The following DIRAS1 variants were observed in gnomAD, a reference collection of about 807,000 sequenced individuals.
The protein encoded by DIRAS1 is GTP-binding protein Di-Ras1.
In DIRAS1, 3 loss-of-function variants were observed where a neutral mutation model predicts 11.5. The observed-to-expected ratio is 0.26, with a 90% CI of 0.12 to 0.67. The LOEUF (loss-of-function observed/expected upper bound fraction) is 0.67, where lower values mean the gene tolerates loss of function less well. Among genes scored for constraint, DIRAS1 ranks in the 30% least tolerant of loss-of-function variants. DIRAS1 has a pLI of 0.80. For missense variants in DIRAS1, 212 were observed against 285.3 expected (o/e 0.74, Z 1.85); for synonymous variants, 128 against 125.8 (o/e 1.02, Z -0.12).
Position 2,716,731 on chromosome 19 carries a change from GAGAAAAA to G in DIRAS1, c.*472_*478del, listed in dbSNP as rs150129339. ...TTGGGTGTATGTTAACACCAAATAG[GAGAAAAA>G]AGAAAAAAATATCTGAGGCCGATGT... On this transcript the variant is annotated 3_prime_UTR_variant, in exon 2 of 2. Transcript: ENST00000323469. The G allele has an allele frequency of 0.021, 3,504 of 163,408 alleles. 143 individuals are homozygous for G. Among genetic ancestry groups the G allele is most frequent in the African/African-American group, 0.077 (3,226 of 41,698 alleles). The allele number at this position is 163,408 out of a possible 1,614,324, so 10.1% of individuals were successfully genotyped here.
rs369856700 is a variant in DIRAS1, at chr19:2,717,600, C to T, written c.207G>A (p.Pro69=). The change falls in exon 2 of 2, where the codon CCG becomes CCA. Residue 69 remains proline, a synonymous_variant. Coordinates refer to ENST00000323469, the MANE Select transcript of DIRAS1 (RefSeq NM_145173.4). The part of the protein sequence containing the change: ...ITDTTGSHQF[P]AMQRLSISKG... ...TGGAGATGGACAGGCGCTGCATGGC[C>T]GGGAACTGGTGGCTGCCGGTGGTGT... 1.4e-5 allele frequency: 23 copies of T among 1,613,248 alleles called. No homozygotes were observed. The highest frequency in any genetic ancestry group is 1.9e-5 in the Non-Finnish European group (22 of 1,179,894).
Position 2,718,652 on chromosome 19 carries a change from A to T in DIRAS1, c.-69-777T>A, listed in dbSNP as rs1913884426. ...GCTATTCTCTTGCCTCAGCCTCCCAAGTAGCTAGGATTACAGGCATGCACC... is the reference window on the plus strand; with the variant it reads ...GCTATTCTCTTGCCTCAGCCTCCCATGTAGCTAGGATTACAGGCATGCACC... On this transcript the variant is annotated intron_variant, in intron 1 of 1. Coordinates refer to ENST00000323469, the MANE Select transcript of DIRAS1 (RefSeq NM_145173.4). The surrounding 1 kb of genome is among the most constrained non-coding windows in gnomAD (Gnocchi z 4.2). Among the ~76,000 whole-genome samples the T allele has an allele frequency of 6.6e-6, 1 of 152,086 alleles. No homozygotes were observed. The highest frequency in any genetic ancestry group is 1.9e-4 in the East Asian group (1 of 5,192).
rs531300464 is a variant in DIRAS1, at chr19:2,718,181, G to C, written c.-69-306C>G. ...CCACGAAACTCCTTCCCCGGGTGTG[G>C]GTGTCCCTTCCAGGCTGTGCCAGCT... On this transcript the variant is annotated intron_variant, in intron 1 of 1. Coordinates refer to ENST00000323469, the MANE Select transcript of DIRAS1 (RefSeq NM_145173.4). The surrounding 1 kb of genome is among the most constrained non-coding windows in gnomAD (Gnocchi z 4.2). Among the ~76,000 whole-genome samples, 2 of 152,226 alleles carry C rather than the reference G, an allele frequency of 1.3e-5. No individual in the cohort carries two copies. The highest frequency in any genetic ancestry group is 2.9e-5 in the Non-Finnish European group (2 of 68,038).
At chr19:2,719,674 G>C (rs1221800528) in intron 1 of DIRAS1, among the ~76,000 whole-genome samples, 3 of 151,890 alleles carry the variant, frequency 2.0e-5, no homozygotes, top group African/African-American at 7.3e-5. Flanking sequence ...CTGGGGGTGG[G>C]GGTGTGTTTA....
At chr19:2,719,909 G>A (rs757108589) in intron 1 of DIRAS1, among the ~76,000 whole-genome samples, 4 of 152,196 alleles carry the variant, frequency 2.6e-5, no homozygotes, top group African/African-American at 9.7e-5. Flanking sequence ...AGGGCACTTG[G>A]CTGTGCCTGT....
intron 1 of DIRAS1, among the ~76,000 whole-genome samples, chr19:2,720,939 G>T (rs1164406162): frequency 7.9e-5 from 12 of 151,684 alleles, no homozygotes; most frequent in Admixed American, 7.9e-4. Context: ...GGAGGGAGGG[G>T]CTTGGCTGGG....
rs1289025150 is a variant in DIRAS1, at chr19:2,721,057, CA to C, written c.-70+246del. Among the ~76,000 whole-genome samples, 11 of 100,636 alleles carry C rather than the reference CA, an allele frequency of 1.1e-4. No homozygotes were observed. In the East Asian group the frequency reaches 3.0e-3, roughly 27 times the overall value. The allele number at this position is 100,636 out of a possible 152,430, so 66.0% of individuals were successfully genotyped here. On this transcript the variant is annotated intron_variant, in intron 1 of 1. Coordinates refer to ENST00000323469, the MANE Select transcript of DIRAS1 (RefSeq NM_145173.4). ...GTGGGCCTCGGTGGGGCGGGCTCGG[CA>C]GGGGGGCGCCCTCCGGGTGGGGGAG...
rs1473181184 is a variant in DIRAS1, at chr19:2,717,182, G to A, written c.*28C>T. Reference sequence around the variant, plus strand: ...GGAGGCAGCGGGGGTCAGTGGGGGTGGGCGGCGGGCAGGCGGGCGTTCCGG... The same window carrying A: ...GGAGGCAGCGGGGGTCAGTGGGGGTAGGCGGCGGGCAGGCGGGCGTTCCGG... On this transcript the variant is annotated 3_prime_UTR_variant, in exon 2 of 2. Transcript: ENST00000323469. The A allele has an allele frequency of 4.5e-6, 7 of 1,546,748 alleles. No individual in the cohort carries two copies. Among genetic ancestry groups the A allele is most frequent in the Non-Finnish European group, 6.1e-6 (7 of 1,145,736 alleles).
rs551782629 is a variant in DIRAS1 at position 2,721,002 on chromosome 19, G to C, written c.-70+302C>G. Among the ~76,000 whole-genome samples, 467 of 150,328 alleles carry C rather than the reference G, an allele frequency of 3.1e-3. 4 individuals are homozygous for C. Among genetic ancestry groups the C allele is most frequent in the African/African-American group, 0.011 (445 of 40,910 alleles). ...CTGCAGGAGGGAGGAGGCCCTGCCC[G>C]AGGGGACCAATGCGGAGAGGGGCGG... On this transcript the variant is annotated intron_variant, in intron 1 of 1. Coordinates refer to ENST00000323469, the MANE Select transcript of DIRAS1 (RefSeq NM_145173.4).
At chr19:2,720,338 C>G (rs1353264945) in intron 1 of DIRAS1, among the ~76,000 whole-genome samples, 3 of 152,242 alleles carry the variant, frequency 2.0e-5, no homozygotes, top group African/African-American at 7.2e-5. Context: ...CTGTCCTCCC[C>G]GCTGGGTCTG....
Position 2,717,066 on chromosome 19 carries a change from A to ATGC in DIRAS1, c.*143_*144insGCA. 1 of 754,386 alleles carries ATGC rather than the reference A, an allele frequency of 1.3e-6. No homozygotes were observed. Among genetic ancestry groups the ATGC allele is most frequent in the Non-Finnish European group, 2.0e-6 (1 of 511,908 alleles). 46.7% of individuals were successfully genotyped at this position (754,386 alleles called of 1,614,324 possible). On this transcript the variant is annotated 3_prime_UTR_variant, in exon 2 of 2. Coordinates refer to ENST00000323469, the MANE Select transcript of DIRAS1 (RefSeq NM_145173.4). Reference sequence around the variant, plus strand: ...GCCTCGGGGTGGGCAGGGGCAGCGGAGGGGGGGGCGGTGGCCTCGGTTTCC... The same window carrying ATGC: ...GCCTCGGGGTGGGCAGGGGCAGCGGATGCGGGGGGGGCGGTGGCCTCGGTTTCC...
chr19:2,717,130 G>A lies in DIRAS1; in HGVS notation c.*80C>T, dbSNP rs1423848597. ...CGGAGGAAGGATGAGAGAAGAGGAG[G>A]AGGCCGAGGAGGGTGTCGGTGTTGG... On this transcript the variant is annotated 3_prime_UTR_variant, in exon 2 of 2. Coordinates refer to ENST00000323469, the MANE Select transcript of DIRAS1 (RefSeq NM_145173.4). The A allele has an allele frequency of 2.1e-6, 3 of 1,413,190 alleles. No homozygotes were observed. The highest frequency in any genetic ancestry group is 1.3e-5 in the South Asian group (1 of 76,270). 87.5% of individuals were successfully genotyped at this position (1,413,190 alleles called of 1,614,324 possible).
chr19:2,714,961 G>A lies in DIRAS1; in HGVS notation c.*2249C>T, dbSNP rs1913749559. The A allele has an allele frequency of 6.6e-6, 1 of 152,658 alleles. No individual in the cohort carries two copies. The highest frequency in any genetic ancestry group is 1.5e-5 in the Non-Finnish European group (1 of 68,190). 9.5% of individuals were successfully genotyped at this position (152,658 alleles called of 1,614,324 possible). A position where few individuals can be genotyped will look rare whatever the true frequency, so the allele number is the denominator to read the frequency against. ...AACCCAGAAGCTACTGCCAGGACAGGAGAGGAGGCAACATCAGCTGCTGGT... is the reference window on the plus strand; with the variant it reads ...AACCCAGAAGCTACTGCCAGGACAGAAGAGGAGGCAACATCAGCTGCTGGT... On this transcript the variant is annotated 3_prime_UTR_variant, in exon 2 of 2. Transcript: ENST00000323469.
Position 2,717,777 on chromosome 19 carries a change from C to T in DIRAS1, c.30G>A (p.Val10=), listed in dbSNP as rs750088007. 14 of 1,601,478 alleles carry T rather than the reference C, an allele frequency of 8.7e-6. No individual in the cohort carries two copies. Among genetic ancestry groups the T allele is most frequent in the Non-Finnish European group, 1.2e-5 (14 of 1,179,760 alleles). MPEQSNDYR[V]VVFGAGGVGK... is the part of the protein sequence containing the mutation. ...CCACGCCGCCCGCCCCGAACACCAC[C>T]ACGCGGTAATCGTTACTCTGTTCCG... The change falls in exon 2 of 2, where the codon GTG becomes GTA. Residue 10 remains valine, a synonymous_variant. Coordinates refer to ENST00000323469, the MANE Select transcript of DIRAS1 (RefSeq NM_145173.4).
chr19:2,715,412 A>C lies in DIRAS1; in HGVS notation c.*1798T>G, dbSNP rs1913765893. ...TGGAGAGACCCACATGGTACAGAACAAAGGGCAGCTTCCAGCCAACAGCCA... is the reference window on the plus strand; with the variant it reads ...TGGAGAGACCCACATGGTACAGAACCAAGGGCAGCTTCCAGCCAACAGCCA... On this transcript the variant is annotated 3_prime_UTR_variant, in exon 2 of 2. Coordinates refer to ENST00000323469, the MANE Select transcript of DIRAS1 (RefSeq NM_145173.4). The C allele has an allele frequency of 6.6e-6, 1 of 152,246 alleles. No homozygotes were observed. The highest frequency in any genetic ancestry group is 6.5e-5 in the Admixed American group (1 of 15,270). The allele number at this position is 152,246 out of a possible 1,614,324, so 9.4% of individuals were successfully genotyped here.
chr19:2,717,284 G>A lies in DIRAS1; in HGVS notation c.523C>T (p.Leu175Phe), dbSNP rs1179821192. The A allele has an allele frequency of 6.2e-7, 1 of 1,612,308 alleles. No homozygotes were observed. Among genetic ancestry groups the A allele is most frequent in the East Asian group, 2.2e-5 (1 of 44,846 alleles). ...CCGGAGCGCTTGCCGTCGATGTTGA[G>A]GCTCATGTTCCGGCGCGTCTCCAGC... Reference protein sequence around the residue: ...LTLETRRNMSLNIDGKRSGKQ... With the variant: ...LTLETRRNMSFNIDGKRSGKQ... Residue 175 changes from leucine (L) to phenylalanine (F), a missense_variant, in exon 2 of 2, where the codon CTC becomes TTC. Transcript: ENST00000323469.
intron 1 of DIRAS1, among the ~76,000 whole-genome samples, chr19:2,719,972 A>C (rs1913917366): frequency 6.6e-6 from 1 of 152,210 alleles, no homozygotes; most frequent in Admixed American, 6.5e-5. Flanking sequence ...TGCCAGGAAA[A>C]GAAAAGAGGC....
rs1056110622 is a variant in DIRAS1, at chr19:2,716,296, G to C, written c.*914C>G. On this transcript the variant is annotated 3_prime_UTR_variant, in exon 2 of 2. Transcript: ENST00000323469. The stretch of plus-strand genomic sequence containing the variant: ...GCAGACCTCTGTCCGGGGCGCCCTC[G>C]GATCCTGCTGGTGCTGGCTCCCATC... 3 of 152,308 alleles carry C rather than the reference G, an allele frequency of 2.0e-5. No homozygotes were observed. Among genetic ancestry groups the C allele is most frequent in the African/African-American group, 7.2e-5 (3 of 41,460 alleles). 9.4% of individuals were successfully genotyped at this position (152,308 alleles called of 1,614,324 possible).
chr19:2,720,027 G>A (rs566087415), intron 1 of DIRAS1, among the ~76,000 whole-genome samples: 3 of 152,332 alleles, frequency 2.0e-5, no homozygotes, highest in African/African-American at 7.2e-5. Context: ...TGATGAGCCA[G>A]GCAAACTTCT....
Sources: allele counts gnomAD v4.1 joint callset (sites outside exome capture counted in the v4.1 genomes callset), GRCh38; gene constraint gnomAD v4.1.1; non-coding constraint Gnocchi (gnomAD v3.1); transcripts MANE v1.5; gene names NCBI Gene and HGNC (gene_info 2026-07-23, HGNC 2026-07-21).